Variants in WBP4 observed in about 807,000 individuals in gnomAD.
WBP4 encodes the protein WW domain binding protein 4.
In WBP4, 37 loss-of-function variants were observed where a neutral mutation model predicts 55.4. That is an observed-to-expected ratio of 0.67 (90% confidence interval 0.51 to 0.88). WBP4 has a LOEUF of 0.88. Among genes scored for constraint, WBP4 ranks in the 40% least tolerant of loss-of-function variants. The pLI is 0.00. For missense variants in WBP4, 398 were observed against 420.8 expected (o/e 0.95, Z 0.47); for synonymous variants, 142 against 140.2 (o/e 1.01, Z -0.09).
chr13:41,070,709 G>A (rs372145788), intron 5 of WBP4, among the ~76,000 whole-genome samples: 2 of 151,996 alleles, frequency 1.3e-5, no homozygotes, highest in Admixed American at 6.6e-5. Context: ...ATATGAGATC[G>A]CAAGCAGAGA....
chr13:41,068,714 A>C lies in WBP4; in HGVS notation c.416A>C (p.Tyr139Ser). ...VEGITSEGYHYYYDLISGASQ... is the reference protein window; with the variant it reads ...VEGITSEGYHSYYDLISGASQ... The stretch of plus-strand genomic sequence containing the variant: ...GGCATAACCTCTGAGGGTTACCATT[A>C]CTATTATGATCTTATCTCAGGAGGT... Residue 139 changes from tyrosine to serine, a missense_variant, in exon 5 of 10, where the codon TAC becomes TCC. Physicochemically the swap from Tyr to Ser is moderately radical, Grantham distance 144. Coordinates refer to ENST00000379487, the MANE Select transcript of WBP4 (RefSeq NM_007187.5). The C allele has an allele frequency of 6.2e-7, 1 of 1,608,022 alleles. No homozygotes were observed. The highest frequency in any genetic ancestry group is 8.5e-7 in the Non-Finnish European group (1 of 1,177,906).
intron 8 of WBP4, among the ~76,000 whole-genome samples, chr13:41,078,813 G>A (rs1878622914): frequency 1.3e-5 from 2 of 151,592 alleles, no homozygotes; most frequent in Non-Finnish European, 2.9e-5. Flanking sequence ...GGCGACAAGA[G>A]TGAAACTCTG....
intron 8 of WBP4, among the ~76,000 whole-genome samples, chr13:41,078,682 C>T (rs1263920659): frequency 6.6e-6 from 1 of 152,088 alleles, no homozygotes; most frequent in Non-Finnish European, 1.5e-5. Flanking sequence ...AGAAAATTAG[C>T]TGGGTGTCCT....
intron 9 of WBP4, among the ~76,000 whole-genome samples, chr13:41,082,501 A>C (rs747986694): frequency 6.6e-6 from 1 of 152,170 alleles, no homozygotes; most frequent in Non-Finnish European, 1.5e-5. Flanking sequence ...ATAAATTAAT[A>C]CATAGAACTT....
chr13:41,072,378 A>C (rs1180782331), intron 6 of WBP4, among the ~76,000 whole-genome samples: 1 of 152,250 alleles, frequency 6.6e-6, no homozygotes, highest in African/African-American at 2.4e-5. Context: ...TACAGGAAGC[A>C]TGGTGGCATG....
intron 2 of WBP4, among the ~76,000 whole-genome samples, chr13:41,064,134 T>C (rs891475141): frequency 6.6e-6 from 1 of 152,094 alleles, no homozygotes; most frequent in Admixed American, 6.5e-5. Context: ...CAAGTTCTTA[T>C]TCCAGCATAC....
chr13:41,065,083 T>C lies in WBP4; in HGVS notation c.138+5T>C. 4.4e-6 allele frequency: 7 copies of C among 1,599,354 alleles called. No individual in the cohort carries two copies. Among genetic ancestry groups the C allele is most frequent in the Non-Finnish European group, 6.0e-6 (7 of 1,176,278 alleles). On this transcript the variant is annotated splice_donor_5th_base_variant and intron_variant, in intron 3 of 9. Coordinates refer to ENST00000379487, the MANE Select transcript of WBP4 (RefSeq NM_007187.5). Reference sequence around the variant, plus strand: ...GTGGCAAAAAGGATCAGTGAGGTAATTTAGATTGTTTATTTGCTAATTTTT... The same window carrying C: ...GTGGCAAAAAGGATCAGTGAGGTAACTTAGATTGTTTATTTGCTAATTTTT...
At chr13:41,064,549 A>G (rs1274812611) in intron 2 of WBP4, among the ~76,000 whole-genome samples, 1 of 152,200 alleles carries the variant, frequency 6.6e-6, no homozygotes, top group Non-Finnish European at 1.5e-5. Context: ...GAATCTTAAA[A>G]TACATACTTT....
chr13:41,082,799 A>G lies in WBP4; in HGVS notation c.1016A>G (p.Glu339Gly), dbSNP rs1160005578. The G allele has an allele frequency of 3.1e-6, 5 of 1,614,144 alleles. No individual in the cohort carries two copies. The highest frequency in any genetic ancestry group is 3.4e-6 in the Non-Finnish European group (4 of 1,180,008). Residue 339 changes from glutamate (E) to glycine (G), a missense_variant, in exon 10 of 10, where the codon GAA (glutamate) becomes GGA (glycine). Physicochemically the swap from Glu to Gly is moderately conservative, Grantham distance 98. Transcript: ENST00000379487. Reference sequence around the variant, plus strand: ...GGAGAACCCAAAGTGGTATTTAAAGAAAAAACAGTCACTTCTCTTGGAGTT... The same window carrying G: ...GGAGAACCCAAAGTGGTATTTAAAGGAAAAACAGTCACTTCTCTTGGAGTT... ...GGGEPKVVFK[E>G]KTVTSLGVMA...
At position 41,076,050 on chromosome 13, in the gene WBP4, G is replaced by T. The variant is rs1399039397; in HGVS notation, c.569G>T (p.Arg190Ile). 2 of 1,611,722 alleles carry T rather than the reference G, an allele frequency of 1.2e-6. No individual in the cohort carries two copies. The highest frequency in any genetic ancestry group is 1.7e-6 in the Non-Finnish European group (2 of 1,179,556). Residue 190 changes from arginine (R) to isoleucine (I), a missense_variant, in exon 8 of 10, where the codon AGA becomes ATA. Arg to Ile is a moderately conservative substitution (Grantham distance 97). Transcript: ENST00000379487. The stretch of plus-strand genomic sequence containing the variant: ...TTTAAAATGTGTTGAGCAGAATCCA[G>T]ATGGGAGAAACCTGATGATTTCATT... ...YYYNTETGES[R>I]WEKPDDFIPH...
intron 5 of WBP4, among the ~76,000 whole-genome samples, chr13:41,070,508 G>A (rs1475212868): frequency 6.6e-6 from 1 of 151,674 alleles, no homozygotes; most frequent in East Asian, 1.9e-4. Flanking sequence ...GAATGATGGT[G>A]CCATTTACTT....
chr13:41,083,085 CT>C lies in WBP4; in HGVS notation c.*172del. On this transcript the variant is annotated 3_prime_UTR_variant, in exon 10 of 10. Transcript: ENST00000379487. ...TTTCATGTGAAATTTATTTTGGTTC[CT>C]AAAATGGAAGCCTACCACATTGCAT... 1 of 700,098 alleles carries C rather than the reference CT, an allele frequency of 1.4e-6. No homozygotes were observed. The highest frequency in any genetic ancestry group is 2.3e-6 in the Non-Finnish European group (1 of 443,070). 43.4% of individuals were successfully genotyped at this position (700,098 alleles called of 1,614,324 possible). A position where few individuals can be genotyped will look rare whatever the true frequency, so the allele number is the denominator to read the frequency against.
intron 8 of WBP4, among the ~76,000 whole-genome samples, chr13:41,079,209 A>G (rs6560970): frequency 0.98 from 148,473 of 152,240 alleles, 72,489 homozygotes; most frequent in Non-Finnish European, 1. Context: ...ATCACTGATC[A>G]TCAGAGAAAT....
chr13:41,080,555 A>G (rs564594564), intron 8 of WBP4, 91 bp from the exon 9 acceptor site: 7 of 952,054 alleles, frequency 7.4e-6, no homozygotes, highest in African/African-American at 5.0e-5. Flanking sequence ...TTGTTTATAA[A>G]TCTATAACAA....
chr13:41,066,039 T>A (rs1262426919), intron 4 of WBP4, among the ~76,000 whole-genome samples: 1 of 152,190 alleles, frequency 6.6e-6, no homozygotes, highest in Non-Finnish European at 1.5e-5. Context: ...ATTGTGTTCA[T>A]TAAATAAGAA....
rs1226136994 is a variant in WBP4 at position 41,076,099 on chromosome 13, T to C, written c.618T>C (p.Ser206=). 1 of 1,613,664 alleles carries C rather than the reference T, an allele frequency of 6.2e-7. No individual in the cohort carries two copies. ...DFIPHTSDLP[S]SKVNENSLGT... ...TTCCACACACTAGTGATCTGCCTTC[T>C]AGTAAGGTCAATGAAAATTCACTTG... The change falls in exon 8 of 10, where the codon TCT becomes TCC. Residue 206 remains serine (S), a synonymous_variant. Transcript: ENST00000379487.
chr13:41,062,596 C>G, intron 1 of WBP4, 48 bp from the exon 2 acceptor site: 1 of 1,557,360 alleles, frequency 6.4e-7, no homozygotes, highest in Non-Finnish European at 8.8e-7. Flanking sequence ...AGAATTTAAC[C>G]TTTTTTAAGT....
At position 41,083,418 on chromosome 13, in the gene WBP4, C is replaced by T. The variant is rs534877253; in HGVS notation, c.*504C>T. 1.6e-3 allele frequency: 245 copies of T among 156,348 alleles called. 3 individuals carry two copies. The highest frequency in any genetic ancestry group is 2.1e-3 in the Non-Finnish European group (150 of 70,714). 9.7% of individuals were successfully genotyped at this position (156,348 alleles called of 1,614,324 possible). On this transcript the variant is annotated 3_prime_UTR_variant, in exon 10 of 10. Transcript: ENST00000379487. ...TGGCTTACCTTACTCAATTTAAAGT[C>T]AAAAGCCAACAGCCAGGAGCAGCTC...
At chr13:41,077,417 G>A (rs1878548184) in intron 8 of WBP4, among the ~76,000 whole-genome samples, 1 of 152,038 alleles carries the variant, frequency 6.6e-6, no homozygotes, top group Admixed American at 6.6e-5. Context: ...GATTGAACCT[G>A]GGAGGCAGAG....
Sources: gnomAD v4.1 joint callset for allele counts (sites outside exome capture counted in the v4.1 genomes callset) on GRCh38, gnomAD v4.1.1 for gene constraint, MANE v1.5 for transcripts, NCBI Gene and HGNC (gene_info 2026-07-23, HGNC 2026-07-21) for gene names.